MAGI2: variants seen among roughly 807,000 people sequenced by gnomAD.
MAGI2 encodes the protein membrane-associated guanylate kinase, WW and PDZ domain-containing protein 2.
Under a neutral mutation model 133.3 loss-of-function variants are expected in MAGI2, and 35 were observed. The observed-to-expected ratio is 0.26, with a 90% CI of 0.20 to 0.35. The LOEUF is 0.35. Ranked by LOEUF, MAGI2 falls within the 10% of genes least tolerant of loss-of-function variation. MAGI2 has a pLI of 1.00. For missense variants in MAGI2, 1,636 were observed against 1,863.4 expected, an observed-to-expected ratio of 0.88 and a Z score of 2.25; for synonymous variants, 729 against 710.6, an observed-to-expected ratio of 1.03 and a Z score of -0.41.
At chr7:79,374,516 G>A (rs181719798) in intron 1 of MAGI2, among the ~76,000 whole-genome samples, 3 of 151,948 alleles carry the variant, frequency 2.0e-5, no homozygotes, top group East Asian at 1.9e-4. Context: ...CTCCAGAGCT[G>A]TGAGAAAATG....
At chr7:79,306,268 TA>T (rs1374626388) in intron 1 of MAGI2, among the ~76,000 whole-genome samples, 1 of 147,118 alleles carries the variant, frequency 6.8e-6, no homozygotes, top group African/African-American at 2.5e-5. Context: ...TATTTATATA[TA>T]TTTTATTTAT....
chr7:78,706,355 T>C (rs1008459584), intron 2 of MAGI2, among the ~76,000 whole-genome samples: 12 of 151,136 alleles, frequency 7.9e-5, no homozygotes, highest in African/African-American at 2.7e-4. Context: ...ATATAAGAAG[T>C]GCCTTTCACC....
chr7:79,075,913 A>G (rs1465907784), intron 1 of MAGI2, among the ~76,000 whole-genome samples: 1 of 152,182 alleles, frequency 6.6e-6, no homozygotes, highest in Non-Finnish European at 1.5e-5. Flanking sequence ...AAATACAAAT[A>G]TCTGGGCAGT....
chr7:78,990,543 T>C (rs1805659185), intron 2 of MAGI2, among the ~76,000 whole-genome samples: 1 of 152,012 alleles, frequency 6.6e-6, no homozygotes, highest in Non-Finnish European at 1.5e-5. Flanking sequence ...CCCCACCTGG[T>C]TTCTAAAGCA....
chr7:78,149,174 G>T (rs1823615413), intron 16 of MAGI2, among the ~76,000 whole-genome samples: 1 of 152,164 alleles, frequency 6.6e-6, no homozygotes, highest in Non-Finnish European at 1.5e-5. Flanking sequence ...ACAGCCACAT[G>T]TGGCTAATGG....
chr7:78,255,534 T>C, intron 10 of MAGI2: 1 of 345,780 alleles, frequency 2.9e-6, no homozygotes, highest in Non-Finnish European at 5.3e-6. Flanking sequence ...CCTGCTAGCC[T>C]GGAAACCTAA....
At chr7:78,383,233 T>G (rs1364895004) in intron 6 of MAGI2, among the ~76,000 whole-genome samples, 1 of 152,148 alleles carries the variant, frequency 6.6e-6, no homozygotes, top group African/African-American at 2.4e-5. Flanking sequence ...CCACCAACAG[T>G]GTACAACAGT....
At chr7:78,301,494 G>GACTT (rs1797822450) in intron 9 of MAGI2, among the ~76,000 whole-genome samples, 2 of 152,256 alleles carry the variant, frequency 1.3e-5, no homozygotes, top group African/African-American at 4.8e-5. Context: ...ACCACTTAAA[G>GACTT]ACTTACAGTG....
intron 2 of MAGI2, among the ~76,000 whole-genome samples, chr7:78,994,143 A>G (rs534725357): frequency 5.8e-4 from 88 of 152,170 alleles, no homozygotes; most frequent in African/African-American, 2.0e-3. Context: ...AGATCTGAGA[A>G]GCTGTCATTA....
intron 2 of MAGI2, among the ~76,000 whole-genome samples, chr7:78,960,728 A>C (rs763741737): frequency 3.9e-5 from 6 of 152,126 alleles, no homozygotes; most frequent in Admixed American, 1.3e-4. Context: ...ACAGTTGCAC[A>C]ACATTGCATA....
intron 1 of MAGI2, among the ~76,000 whole-genome samples, chr7:79,051,508 T>C (rs546987872): frequency 6.6e-6 from 1 of 152,320 alleles, no homozygotes; most frequent in South Asian, 2.1e-4. Context: ...TCTGCCATTT[T>C]TCATCGTTTT....
At chr7:79,224,910 T>G (rs1026017132) in intron 1 of MAGI2, among the ~76,000 whole-genome samples, 2 of 152,244 alleles carry the variant, frequency 1.3e-5, no homozygotes, top group African/African-American at 4.8e-5. Context: ...CTATATGCAT[T>G]TGTCTAAATT....
At chr7:78,047,848 C>T (rs563078358) in intron 21 of MAGI2, among the ~76,000 whole-genome samples, 9 of 152,364 alleles carry the variant, frequency 5.9e-5, no homozygotes, top group East Asian at 1.9e-4. Context: ...CCCTTGCTTG[C>T]GTTGATTTTG....
At chr7:78,581,176 G>A (rs1802797151) in intron 3 of MAGI2, among the ~76,000 whole-genome samples, 3 of 152,164 alleles carry the variant, frequency 2.0e-5, no homozygotes, top group African/African-American at 7.2e-5. Context: ...CAGAGACTCT[G>A]AGGAAGAGCT....
At chr7:78,322,124 A>G (rs1007227121) in intron 9 of MAGI2, among the ~76,000 whole-genome samples, 1 of 152,250 alleles carries the variant, frequency 6.6e-6, no homozygotes, top group Non-Finnish European at 1.5e-5. Flanking sequence ...GATGCTGGAG[A>G]GGATGTGGAG....
intron 2 of MAGI2, among the ~76,000 whole-genome samples, chr7:78,723,126 G>A (rs558221539): frequency 8.5e-5 from 13 of 152,134 alleles, no homozygotes; most frequent in Admixed American, 3.3e-4. Context: ...ACTTAGAAAC[G>A]CATGATTAAT....
Position 78,045,608 on chromosome 7 carries a change from G to A in MAGI2, c.3707-25632C>T, listed in dbSNP as rs534417035. 1.5e-4 allele frequency among the ~76,000 whole-genome samples: 23 copies of A among 152,238 alleles called. 1 individual carries two copies. In the South Asian group the frequency reaches 3.9e-3, roughly 26 times the overall value. On this transcript the variant is annotated intron_variant, in intron 21 of 21. Coordinates refer to ENST00000354212, the MANE Select transcript of MAGI2 (RefSeq NM_012301.4). ...GAAAAAGAAGCTGAATAATGATGGC[G>A]TTTTCATGAGCCTTTTCAGTTCCAG...
intron 1 of MAGI2, among the ~76,000 whole-genome samples, chr7:79,275,794 A>C (rs1835189065): frequency 6.6e-6 from 1 of 152,156 alleles, no homozygotes; most frequent in African/African-American, 2.4e-5. Context: ...AAGGGCCCTT[A>C]AGAATGATGC....
intron 1 of MAGI2, among the ~76,000 whole-genome samples, chr7:79,433,226 G>A (rs1052000601): frequency 6.6e-6 from 1 of 152,016 alleles, no homozygotes; most frequent in Non-Finnish European, 1.5e-5. Context: ...GTCTGACAGG[G>A]TACACTTTAA....
Sources: allele counts gnomAD v4.1 joint callset (sites outside exome capture counted in the v4.1 genomes callset), GRCh38; gene constraint gnomAD v4.1.1; transcripts MANE v1.5; gene names NCBI Gene and HGNC (gene_info 2026-07-23, HGNC 2026-07-21).